The following ABHD12 variants were observed in gnomAD, a reference collection of about 807,000 sequenced individuals.
ABHD12 encodes lysophosphatidylserine lipase ABHD12.
A neutral mutation model predicts 58.3 loss-of-function variants in ABHD12; 43 were observed. The observed-to-expected ratio is 0.74, with a 90% CI of 0.58 to 0.95. ABHD12 has a LOEUF of 0.95. ABHD12 is among the 40% of genes least tolerant of loss of function. The probability of loss-of-function intolerance (pLI) is 0.00; values close to 1 mark genes in which losing one functional copy is unlikely to be tolerated. For missense variants in ABHD12, 539 were observed against 537.2 expected (o/e 1.00, Z -0.03); for synonymous variants, 219 against 211.2 (o/e 1.04, Z -0.32).
chr20:25,359,220 G>C (rs1427359133), intron 1 of ABHD12, among the ~76,000 whole-genome samples: 1 of 151,160 alleles, frequency 6.6e-6, no homozygotes, highest in African/African-American at 2.4e-5. Flanking sequence ...AGGAGATCGA[G>C]ACCATCCTGG....
At chr20:25,319,007 T>C (rs1489018494) in intron 4 of ABHD12, among the ~76,000 whole-genome samples, 4 of 152,184 alleles carry the variant, frequency 2.6e-5, no homozygotes, top group African/African-American at 7.2e-5. Flanking sequence ...ACAGCTCTCC[T>C]TGCTGGCTCT....
intron 2 of ABHD12, among the ~76,000 whole-genome samples, chr20:25,330,567 T>A (rs2089255542): frequency 6.6e-6 from 1 of 152,244 alleles, no homozygotes. Context: ...TGTCCCTGTC[T>A]GACAGCTCTG....
At chr20:25,322,377 A>ATTTTTTTT (rs1483645613) in intron 3 of ABHD12, among the ~76,000 whole-genome samples, 1 of 42,274 alleles carries the variant, frequency 2.4e-5, no homozygotes, top group Non-Finnish European at 4.7e-5. Flanking sequence ...ATATATATAT[A>ATTTTTTTT]TATATTTTTT....
chr20:25,359,401 G>T (rs1600849940), intron 1 of ABHD12, among the ~76,000 whole-genome samples: 1 of 126,192 alleles, frequency 7.9e-6, no homozygotes, highest in African/African-American at 3.0e-5. Flanking sequence ...TCCCGCCTGG[G>T]CCACAGAGCG....
At position 25,300,599 on chromosome 20, in the gene ABHD12, G is replaced by A; in HGVS notation, c.*246C>T. On this transcript the variant is annotated 3_prime_UTR_variant, in exon 13 of 13. Coordinates refer to ENST00000339157, the MANE Select transcript of ABHD12 (RefSeq NM_001042472.3). ...ATTAAGTCTCCCAACAAGATCTCAGGTTGAGGGGCGGCAAGGAGAGCCACA... is the reference window on the plus strand; with the variant it reads ...ATTAAGTCTCCCAACAAGATCTCAGATTGAGGGGCGGCAAGGAGAGCCACA... 1 of 1,439,308 alleles carries A rather than the reference G, an allele frequency of 6.9e-7. No individual in the cohort carries two copies. The highest frequency in any genetic ancestry group is 2.7e-5 in the Admixed American group (1 of 37,386). 89.2% of individuals were successfully genotyped at this position (1,439,308 alleles called of 1,614,324 possible). A position where few individuals can be genotyped will look rare whatever the true frequency, so the allele number is the denominator to read the frequency against.
chr20:25,387,029 C>T (rs2090100475), intron 1 of ABHD12, among the ~76,000 whole-genome samples: 1 of 152,158 alleles, frequency 6.6e-6, no homozygotes, highest in Non-Finnish European at 1.5e-5. Flanking sequence ...TCTCTATGAT[C>T]ATTCCACAGA....
intron 5 of ABHD12, among the ~76,000 whole-genome samples, chr20:25,316,486 C>T (rs1002740289): frequency 2.6e-5 from 4 of 152,020 alleles, no homozygotes; most frequent in Non-Finnish European, 5.9e-5. Context: ...ACACAAGTAA[C>T]GTAACATTGA....
chr20:25,363,060 T>C (rs2089774203), intron 1 of ABHD12, among the ~76,000 whole-genome samples: 1 of 152,106 alleles, frequency 6.6e-6, no homozygotes, highest in African/African-American at 2.4e-5. Flanking sequence ...ATAAGGGTTA[T>C]CTATTTCTCA....
intron 1 of ABHD12, among the ~76,000 whole-genome samples, chr20:25,369,971 A>G (rs1447112521): frequency 6.8e-6 from 1 of 147,216 alleles, no homozygotes; most frequent in East Asian, 1.9e-4. Flanking sequence ...ATTTTTTGTT[A>G]ACAAAGGACA....
At chr20:25,346,981 A>G (rs897093727) in intron 1 of ABHD12, among the ~76,000 whole-genome samples, 2 of 152,156 alleles carry the variant, frequency 1.3e-5, no homozygotes, top group Non-Finnish European at 2.9e-5. Flanking sequence ...CAACAATAAA[A>G]TGTTACTCAT....
intron 1 of ABHD12, among the ~76,000 whole-genome samples, chr20:25,370,852 T>TTG (rs1339641427): frequency 1.3e-5 from 2 of 151,088 alleles, no homozygotes; most frequent in African/African-American, 4.8e-5. Flanking sequence ...TTATTGACTT[T>TTG]TTTTTTTTTT....
intron 3 of ABHD12, among the ~76,000 whole-genome samples, chr20:25,320,822 T>C (rs1267165696): frequency 9.5e-5 from 12 of 125,920 alleles, no homozygotes; most frequent in Non-Finnish European, 1.9e-4. Context: ...CTGACGCCAT[T>C]TCTAATGTCA....
intron 1 of ABHD12, among the ~76,000 whole-genome samples, chr20:25,382,508 G>A (rs1194275082): frequency 6.6e-6 from 1 of 152,116 alleles, no homozygotes; most frequent in Non-Finnish European, 1.5e-5. Context: ...TTTCACTCTG[G>A]AAGGACAAGT....
At chr20:25,355,260 A>G (rs554950322) in intron 1 of ABHD12, among the ~76,000 whole-genome samples, 90 of 152,288 alleles carry the variant, frequency 5.9e-4, no homozygotes, top group Non-Finnish European at 1.2e-3. Flanking sequence ...GAGCACTTCC[A>G]TTCCCTGCTG....
intron 1 of ABHD12, among the ~76,000 whole-genome samples, chr20:25,342,832 A>G (rs1600827985): frequency 6.6e-6 from 1 of 151,108 alleles, no homozygotes; most frequent in African/African-American, 2.4e-5. Flanking sequence ...AAGTGATCCT[A>G]CCATCTTGGC....
At chr20:25,355,684 G>T (rs932137801) in intron 1 of ABHD12, among the ~76,000 whole-genome samples, 1 of 151,874 alleles carries the variant, frequency 6.6e-6, no homozygotes, top group Non-Finnish European at 1.5e-5. Flanking sequence ...TCAGCCTCCC[G>T]AGTAGCTGGG....
At chr20:25,379,485 C>T (rs977086757) in intron 1 of ABHD12, among the ~76,000 whole-genome samples, 3 of 152,128 alleles carry the variant, frequency 2.0e-5, no homozygotes, top group African/African-American at 4.8e-5. Flanking sequence ...TCCCCACAGC[C>T]TTGGCCTTCC....
chr20:25,339,217 T>C lies in ABHD12; in HGVS notation c.316+10A>G, dbSNP rs780395867. The C allele has an allele frequency of 6.8e-6, 11 of 1,614,048 alleles. No individual in the cohort carries two copies. The South Asian group carries it at 9.9e-5, about 15-fold the overall frequency. On this transcript the variant is annotated intron_variant, in intron 2 of 12. Coordinates refer to ENST00000339157, the MANE Select transcript of ABHD12 (RefSeq NM_001042472.3). ...TAAAATTAAAGGAAAAATGGACACA[T>C]ACCACTTACCGAAATTCAAGAAAAT...
chr20:25,336,456 G>T (rs1353182038), intron 2 of ABHD12, among the ~76,000 whole-genome samples: 3 of 152,130 alleles, frequency 2.0e-5, no homozygotes, highest in African/African-American at 7.2e-5. Flanking sequence ...GTTTCAGATA[G>T]ATTTGCTGTG....
Sources: gnomAD v4.1 joint callset for allele counts (sites outside exome capture counted in the v4.1 genomes callset) on GRCh38, gnomAD v4.1.1 for gene constraint, MANE v1.5 for transcripts, NCBI Gene and HGNC (gene_info 2026-07-23, HGNC 2026-07-21) for gene names.